COPG1: variants seen among roughly 807,000 people sequenced by gnomAD.
COPG1 encodes the protein coatomer subunit gamma-1.
Under a neutral mutation model 102.8 loss-of-function variants are expected in COPG1, and 29 were observed. The observed-to-expected ratio is 0.28, with a 90% CI of 0.21 to 0.38. The LOEUF is 0.38. COPG1 is among the 10% of genes least tolerant of loss of function. The pLI, the probability that COPG1 is intolerant of heterozygous loss-of-function variation, is 1.00. For synonymous variants in COPG1, 406 were observed against 421.6 expected, an observed-to-expected ratio of 0.96 and a Z score of 0.45; for missense variants, 875 against 1,132.7, an observed-to-expected ratio of 0.77 and a Z score of 3.27.
intron 23 of COPG1, 60 bp from the exon 24 acceptor site, chr3:129,277,234 T>A (rs2107680874): frequency 6.3e-7 from 1 of 1,580,858 alleles, no homozygotes; most frequent in Middle Eastern, 2.1e-4. Context: ...ATGCCATCCT[T>A]AGCCTGCCCT....
At chr3:129,262,845 C>A (rs1440221129) in intron 12 of COPG1, among the ~76,000 whole-genome samples, 4 of 151,704 alleles carry the variant, frequency 2.6e-5, no homozygotes, top group African/African-American at 9.7e-5. Context: ...ATGGTGAAAC[C>A]CTGTCTCTAC....
Position 129,270,194 on chromosome 3 carries a change from A to G in COPG1, c.1843+1194A>G, listed in dbSNP as rs76253331. 9.0e-3 allele frequency among the ~76,000 whole-genome samples: 1,365 copies of G among 151,958 alleles called. 14 individuals carry two copies. The highest frequency in any genetic ancestry group is 0.031 in the African/African-American group (1,294 of 41,440). On this transcript the variant is annotated intron_variant, in intron 18 of 23. Transcript: ENST00000314797. ...AAAGTCCCTTTTACCATGCAAGGTAACATAGCTGCAGGTTCTGGGAATTAG... is the reference window on the plus strand; with the variant it reads ...AAAGTCCCTTTTACCATGCAAGGTAGCATAGCTGCAGGTTCTGGGAATTAG...
chr3:129,277,632 G>A lies in COPG1; in HGVS notation c.*208G>A, dbSNP rs1297427769. On this transcript the variant is annotated 3_prime_UTR_variant, in exon 24 of 24. Transcript: ENST00000314797. ...TTTTTTTTTTTTTTAAATAGGGGATGATTTTAGCTTGTCCTAAATCTTGCT... is the reference window on the plus strand; with the variant it reads ...TTTTTTTTTTTTTTAAATAGGGGATAATTTTAGCTTGTCCTAAATCTTGCT... 2.1e-6 allele frequency: 1 copy of A among 468,294 alleles called. No individual in the cohort carries two copies. Among genetic ancestry groups the A allele is most frequent in the African/African-American group, 2.1e-5 (1 of 46,654 alleles). 29.0% of individuals were successfully genotyped at this position (468,294 alleles called of 1,614,324 possible).
At chr3:129,273,229 G>A (rs2107679633) in intron 21 of COPG1, among the ~76,000 whole-genome samples, 1 of 152,244 alleles carries the variant, frequency 6.6e-6, no homozygotes, top group African/African-American at 2.4e-5. Flanking sequence ...TCACCATGTT[G>A]GCTAGGCTGG....
intron 10 of COPG1, among the ~76,000 whole-genome samples, chr3:129,259,760 C>T (rs1217307750): frequency 6.6e-6 from 1 of 152,100 alleles, no homozygotes; most frequent in Non-Finnish European, 1.5e-5. Flanking sequence ...GGATATGGTA[C>T]CCGAATGGCT....
In COPG1 at chr3:129,268,540, A is replaced by G; in HGVS notation, c.1694A>G (p.Tyr565Cys). Residue 565 changes from tyrosine to cysteine, a missense_variant, in exon 17 of 24, where the codon TAC becomes TGC. Physicochemically the swap from Tyr to Cys is radical, Grantham distance 194. Coordinates refer to ENST00000314797, the MANE Select transcript of COPG1 (RefSeq NM_016128.4). Reference sequence around the variant, plus strand: ...GGTCTGGAGAGGGCTCTGCAGCAGTACACTCTAGAACCATCAGAAAAACCT... The same window carrying G: ...GGTCTGGAGAGGGCTCTGCAGCAGTGCACTCTAGAACCATCAGAAAAACCT... ...IPGLERALQQ[Y>C]TLEPSEKPFD... 6.2e-7 allele frequency: 1 copy of G among 1,614,158 alleles called. No individual in the cohort carries two copies. The highest frequency in any genetic ancestry group is 8.5e-7 in the Non-Finnish European group (1 of 1,179,996).
chr3:129,250,055 A>T (rs534514367), intron 1 of COPG1, among the ~76,000 whole-genome samples: 1 of 151,616 alleles, frequency 6.6e-6, no homozygotes, highest in Non-Finnish European at 1.5e-5. Flanking sequence ...TCTTCGTCCA[A>T]CCTCTTGGGA....
chr3:129,263,918 G>A lies in COPG1; in HGVS notation c.1143G>A (p.Gln381=), dbSNP rs759763497. The A allele has an allele frequency of 1.9e-6, 3 of 1,614,032 alleles. No individual in the cohort carries two copies. The highest frequency in any genetic ancestry group is 1.7e-6 in the Non-Finnish European group (2 of 1,180,006). Residue 381 remains glutamine, a synonymous_variant, in exon 13 of 24, where the codon CAG becomes CAA. Coordinates refer to ENST00000314797, the MANE Select transcript of COPG1 (RefSeq NM_016128.4). ...ISDEFKVVVV[Q]AISALCQKYP... is the part of the protein sequence containing the mutation. ...ATTTCATTTAGGTGGTGGTTGTCCA[G>A]GCCATCAGTGCCCTGTGTCAGAAAT...
At chr3:129,272,620 C>A (rs1344787634) in intron 20 of COPG1, among the ~76,000 whole-genome samples, 187 bp from the exon 21 acceptor site, 3 of 152,084 alleles carry the variant, frequency 2.0e-5, no homozygotes, top group African/African-American at 7.2e-5. Flanking sequence ...GAACTCATGA[C>A]TTTCCTGTCC....
At position 129,267,110 on chromosome 3, in the gene COPG1, G is replaced by A; in HGVS notation, c.1544+11G>A. On this transcript the variant is annotated intron_variant, in intron 15 of 23. Transcript: ENST00000314797. ...GGTGTTGCTGAAGAGGTGAGTCTAG[G>A]CCCAGGGGCCCTAATGGGGACAGTG... The A allele has an allele frequency of 6.2e-7, 1 of 1,609,658 alleles. No homozygotes were observed. The highest frequency in any genetic ancestry group is 8.5e-7 in the Non-Finnish European group (1 of 1,176,264).
chr3:129,265,914 T>C, intron 14 of COPG1, 122 bp downstream of exon 14: 1 of 951,964 alleles, frequency 1.1e-6, no homozygotes, highest in Non-Finnish European at 1.6e-6. Flanking sequence ...ACAAGCTGTT[T>C]TTCATAATAT....
intron 23 of COPG1, among the ~76,000 whole-genome samples, 197 bp from the exon 24 acceptor site, chr3:129,277,097 C>A (rs1371700247): frequency 6.6e-6 from 1 of 151,886 alleles, no homozygotes; most frequent in Admixed American, 6.6e-5. Context: ...GCTGGAATTA[C>A]AAGCGTGAGC....
intron 5 of COPG1, among the ~76,000 whole-genome samples, chr3:129,254,064 C>T (rs569756166): frequency 2.3e-4 from 35 of 150,784 alleles, no homozygotes; most frequent in Admixed American, 1.2e-3. Context: ...TTTGGGAGGC[C>T]GAGGCGGGTG....
chr3:129,256,253 C>G lies in COPG1; in HGVS notation c.579+99C>G, dbSNP rs978183727. The G allele has an allele frequency of 3.1e-6, 3 of 956,676 alleles. No homozygotes were observed. The East Asian group carries it at 7.7e-5, about 24-fold the overall frequency. The allele number at this position is 956,676 out of a possible 1,614,324, so 59.3% of individuals were successfully genotyped here. ...ACTTGCCACCGAGATCCTTGTGACC[C>G]CTGGCCATAGCAGGCTTTAATCCTT... is the stretch of plus-strand genomic sequence containing the variant. On this transcript the variant is annotated intron_variant, in intron 8 of 23. Transcript: ENST00000314797.
rs1343805184 is a variant in COPG1, at chr3:129,249,737, G to A, written c.28G>A (p.Glu10Lys). 38 of 1,551,458 alleles carry A rather than the reference G, an allele frequency of 2.4e-5. No individual in the cohort carries two copies. The highest frequency in any genetic ancestry group is 3.1e-5 in the Non-Finnish European group (36 of 1,146,948). The change falls in exon 1 of 24, where the codon GAG becomes AAG. Residue 10 changes from glutamate (E) to lysine (K), a missense_variant. By Grantham distance (56) the Glu-to-Lys change is moderately conservative. Coordinates refer to ENST00000314797, the MANE Select transcript of COPG1 (RefSeq NM_016128.4). ...GTTGAAGAAATTCGACAAGAAGGAT[G>A]AGGAGTCAGGTGAGGGGGCCAGGCC... is the stretch of plus-strand genomic sequence containing the variant. MLKKFDKKD[E>K]ESGGGSNPFQ...
intron 9 of COPG1, 29 bp downstream of exon 9, chr3:129,257,656 A>G: frequency 6.2e-7 from 1 of 1,614,122 alleles, no homozygotes; most frequent in Non-Finnish European, 8.5e-7. Flanking sequence ...CACCAGCTAG[A>G]TGATGCCTCA....
chr3:129,270,474 C>G (rs146612737), intron 18 of COPG1, among the ~76,000 whole-genome samples: 1 of 152,088 alleles, frequency 6.6e-6, no homozygotes, highest in Non-Finnish European at 1.5e-5. Flanking sequence ...CAGAATCCCC[C>G]AGGGAGTAAG....
At chr3:129,255,905 G>T (rs973538938) in intron 7 of COPG1, among the ~76,000 whole-genome samples, 163 bp from the exon 8 acceptor site, 1 of 152,080 alleles carries the variant, frequency 6.6e-6, no homozygotes, top group African/African-American at 2.4e-5. Context: ...ATGCCTTGGG[G>T]AGGGACATTG....
At position 129,249,670 on chromosome 3, in the gene COPG1, C is replaced by A; in HGVS notation, c.-40C>A. On this transcript the variant is annotated 5_prime_UTR_variant, in exon 1 of 24. Coordinates refer to ENST00000314797, the MANE Select transcript of COPG1 (RefSeq NM_016128.4). ...CACCGCTACTCCGTGCCGCGCCCGTCGAGCATTGCGTTGCTGCATTGCGCC... is the reference window on the plus strand; with the variant it reads ...CACCGCTACTCCGTGCCGCGCCCGTAGAGCATTGCGTTGCTGCATTGCGCC... The A allele has an allele frequency of 6.5e-7, 1 of 1,550,068 alleles. No individual in the cohort carries two copies. The highest frequency in any genetic ancestry group is 1.2e-5 in the South Asian group (1 of 83,888).
Sources: gnomAD v4.1 joint callset for allele counts (sites outside exome capture counted in the v4.1 genomes callset) on GRCh38, gnomAD v4.1.1 for gene constraint, MANE v1.5 for transcripts, NCBI Gene and HGNC (gene_info 2026-07-23, HGNC 2026-07-21) for gene names.